The following BRD4 variants were observed in gnomAD, a reference collection of about 807,000 sequenced individuals.
BRD4 encodes bromodomain-containing protein 4.
BRD4 carries 16 observed loss-of-function variants against 142.1 expected under a neutral mutation model. That is an observed-to-expected ratio of 0.11 (90% confidence interval 0.08 to 0.17). The LOEUF is 0.17. Among genes scored for constraint, BRD4 ranks in the 10% least tolerant of loss-of-function variants. The probability of loss-of-function intolerance (pLI) is 1.00; values close to 1 mark genes in which losing one functional copy is unlikely to be tolerated. For synonymous variants in BRD4, 833 were observed against 707.5 expected (o/e 1.18, Z -2.82); for missense variants, 1,424 against 1,810.9 (o/e 0.79, Z 3.88).
rs1194957237 is a variant in BRD4, at chr19:15,254,334, C to G, written c.2048-72G>C. Reference sequence around the variant, plus strand: ...GAAGCCGCTCTAAGCCATGGGCACACCCCATCCATCTGGAGGAAGGACCAG... The same window carrying G: ...GAAGCCGCTCTAAGCCATGGGCACAGCCCATCCATCTGGAGGAAGGACCAG... On this transcript the variant is annotated intron_variant, in intron 10 of 19. Coordinates refer to ENST00000679869, the MANE Select transcript of BRD4 (RefSeq NM_001379291.1). 3.9e-6 allele frequency: 5 copies of G among 1,271,992 alleles called. No individual in the cohort carries two copies. The East Asian group carries it at 7.0e-5, about 18-fold the overall frequency. The allele number at this position is 1,271,992 out of a possible 1,614,324, so 78.8% of individuals were successfully genotyped here. A position where few individuals can be genotyped will look rare whatever the true frequency, so the allele number is the denominator to read the frequency against.
At chr19:15,287,613 C>T (rs2047749987) in intron 1 of BRD4, among the ~76,000 whole-genome samples, 3 of 151,972 alleles carry the variant, frequency 2.0e-5, no homozygotes. Flanking sequence ...AACTCCCAAT[C>T]CCTGCCTCTG....
rs368246628 is a variant in BRD4 at position 15,257,285 on chromosome 19, A to G, written c.1342-112T>C. On this transcript the variant is annotated intron_variant, in intron 7 of 19. Transcript: ENST00000679869. ...ACTCAACAGAAAGCAACCGAGGGCG[A>G]AAGAGGATGGTGATCCTGTCTCTTT... The G allele has an allele frequency of 4.5e-4, 468 of 1,044,330 alleles. 5 individuals carry two copies. The African/African-American group carries it at 6.9e-3, about 16-fold the overall frequency. The allele number at this position is 1,044,330 out of a possible 1,614,324, so 64.7% of individuals were successfully genotyped here.
In BRD4 at chr19:15,262,525, A is replaced by T. The variant is rs1431133989; in HGVS notation, c.1341+895T>A. On this transcript the variant is annotated intron_variant, in intron 7 of 19. Transcript: ENST00000679869. Reference sequence around the variant, plus strand: ...GCAACATGGCAAAACCCATCTCTTTAAAAAAAAAAAAAAAAAAGAAAAAAA... The same window carrying T: ...GCAACATGGCAAAACCCATCTCTTTTAAAAAAAAAAAAAAAAAGAAAAAAA... Among the ~76,000 whole-genome samples, 353 of 125,554 alleles carry T rather than the reference A, an allele frequency of 2.8e-3. 1 individual carries two copies. Among genetic ancestry groups the T allele is most frequent in the Non-Finnish European group, 4.6e-3 (274 of 59,148 alleles). 82.4% of individuals were successfully genotyped at this position (125,554 alleles called of 152,430 possible).
chr19:15,261,906 AAAAAAG>A (rs1397791794), intron 7 of BRD4, among the ~76,000 whole-genome samples: 3 of 151,544 alleles, frequency 2.0e-5, no homozygotes, highest in African/African-American at 7.3e-5. Context: ...AAATAAATAA[AAAAAAG>A]TAGAAATAAA....
intron 1 of BRD4, among the ~76,000 whole-genome samples, chr19:15,301,657 C>T (rs1186300684): frequency 2.0e-5 from 3 of 151,394 alleles, no homozygotes; most frequent in African/African-American, 7.3e-5. Context: ...GTCAGGAGAT[C>T]GAGACCATCC....
At chr19:15,311,462 G>A (rs2047969880) in intron 1 of BRD4, among the ~76,000 whole-genome samples, 2 of 152,038 alleles carry the variant, frequency 1.3e-5, no homozygotes, top group Non-Finnish European at 2.9e-5. Flanking sequence ...AGGTTATTAT[G>A]CTTAGTGAAG....
chr19:15,320,314 T>G (rs182713883), intron 1 of BRD4, among the ~76,000 whole-genome samples: 72 of 152,250 alleles, frequency 4.7e-4, no homozygotes, highest in Admixed American at 4.5e-3. Context: ...TTCGTAATGC[T>G]TGAGGAATGC....
chr19:15,259,508 C>A (rs1361309129), intron 7 of BRD4, among the ~76,000 whole-genome samples: 2 of 152,208 alleles, frequency 1.3e-5, no homozygotes, highest in East Asian at 1.9e-4. Context: ...GCAAAAAATA[C>A]AAGACACAAA....
intron 1 of BRD4, among the ~76,000 whole-genome samples, chr19:15,303,277 T>C (rs1248126333): frequency 6.6e-6 from 1 of 152,186 alleles, no homozygotes; most frequent in Non-Finnish European, 1.5e-5. Context: ...AAATCCAAAT[T>C]GTGTGGCTAG....
At chr19:15,313,373 TA>T (rs33991091) in intron 1 of BRD4, among the ~76,000 whole-genome samples, 57,321 of 99,998 alleles carry the variant, frequency 0.57, 14,253 homozygotes, top group East Asian at 0.68. Flanking sequence ...ACTCCATCTT[TA>T]AAAAAAAAAA....
chr19:15,312,175 C>A (rs549210888), intron 1 of BRD4, among the ~76,000 whole-genome samples: 1 of 152,288 alleles, frequency 6.6e-6, no homozygotes, highest in South Asian at 2.1e-4. Flanking sequence ...AGCAAGTGTT[C>A]AATAAACACC....
chr19:15,312,462 C>T (rs1031084306), intron 1 of BRD4, among the ~76,000 whole-genome samples: 1 of 152,126 alleles, frequency 6.6e-6, no homozygotes, highest in Non-Finnish European at 1.5e-5. Context: ...GAAACCCCGT[C>T]TCTACTAAAA....
At position 15,244,241 on chromosome 19, in the gene BRD4, G is replaced by A; in HGVS notation, c.2571C>T (p.Val857=). ...CAGGCCACGGCTCACCTGGAGGAGA[G>A]ACCACTGCGTGCTGGTTGAGATGGG... ...TPPHLNQHAV[V]SPPALHNALP... Residue 857 remains valine (V), a synonymous_variant, in exon 13 of 20, where the codon GTC becomes GTT. Transcript: ENST00000679869. 1.9e-6 allele frequency: 3 copies of A among 1,566,824 alleles called. No individual in the cohort carries two copies. The South Asian group carries it at 3.5e-5, about 18-fold the overall frequency.
intron 7 of BRD4, among the ~76,000 whole-genome samples, chr19:15,259,797 G>A (rs1410648333): frequency 6.6e-6 from 1 of 152,230 alleles, no homozygotes; most frequent in Non-Finnish European, 1.5e-5. Flanking sequence ...AGTCTAGCTG[G>A]AAACAGAAAG....
intron 1 of BRD4, among the ~76,000 whole-genome samples, chr19:15,273,830 T>G (rs2047616951): frequency 6.6e-6 from 1 of 151,908 alleles, no homozygotes; most frequent in African/African-American, 2.4e-5. Context: ...TTTTTTTTTT[T>G]TTTTCATCTC....
chr19:15,238,331 T>C lies in BRD4; in HGVS notation c.*46A>G. On this transcript the variant is annotated 3_prime_UTR_variant, in exon 20 of 20. Transcript: ENST00000679869. This position sits in a 1 kb window ranked among gnomAD's most constrained non-coding sequence, Gnocchi z 7.2. ...CCACCGCCCCTAACACTATGGAAAGTCAATGTTTTGCCAGAAAATCAAAGT... is the reference window on the plus strand; with the variant it reads ...CCACCGCCCCTAACACTATGGAAAGCCAATGTTTTGCCAGAAAATCAAAGT... 1 of 1,612,606 alleles carries C rather than the reference T, an allele frequency of 6.2e-7. No homozygotes were observed. The highest frequency in any genetic ancestry group is 8.5e-7 in the Non-Finnish European group (1 of 1,179,100).
At chr19:15,290,287 T>C (rs527271695) in intron 1 of BRD4, among the ~76,000 whole-genome samples, 1 of 152,150 alleles carries the variant, frequency 6.6e-6, no homozygotes, top group South Asian at 2.1e-4. Flanking sequence ...TGTTAAAAAG[T>C]TAGTACTAGA....
intron 14 of BRD4, among the ~76,000 whole-genome samples, chr19:15,242,589 C>T (rs2047246872): frequency 6.6e-6 from 1 of 152,166 alleles, no homozygotes; most frequent in Non-Finnish European, 1.5e-5. Flanking sequence ...CCCTGAGGTG[C>T]ATCAGGTACC....
intron 7 of BRD4, 89 bp from the exon 8 acceptor site, chr19:15,257,262 T>A (rs1383444805): frequency 1.5e-6 from 2 of 1,297,374 alleles, no homozygotes; most frequent in African/African-American, 1.5e-5. Flanking sequence ...TGGGGCCAAC[T>A]CAACAGAAAG....
Sources: gnomAD v4.1 joint callset for allele counts (sites outside exome capture counted in the v4.1 genomes callset) on GRCh38, gnomAD v4.1.1 for gene constraint, Gnocchi (gnomAD v3.1) non-coding constraint, MANE v1.5 for transcripts, NCBI Gene and HGNC (gene_info 2026-07-23, HGNC 2026-07-21) for gene names.